Variants in PPARGC1A observed in about 807,000 individuals in gnomAD.
PPARGC1A encodes the protein peroxisome proliferator-activated receptor gamma coactivator 1-alpha.
A neutral mutation model predicts 88.7 loss-of-function variants in PPARGC1A; 25 were observed. The observed-to-expected ratio is 0.28, with a 90% CI of 0.21 to 0.39. PPARGC1A has a LOEUF of 0.39. Ranked by LOEUF, PPARGC1A falls within the 10% of genes least tolerant of loss-of-function variation. PPARGC1A has a pLI of 1.00. For synonymous variants in PPARGC1A, 363 were observed against 355.6 expected, an observed-to-expected ratio of 1.02 and a Z score of -0.24; for missense variants, 880 against 968.7, an observed-to-expected ratio of 0.91 and a Z score of 1.22.
the PPARGC1A span, among the ~76,000 whole-genome samples, chr4:24,161,961 TAC>T: frequency 0.077 from 10,266 of 133,584 alleles, 384 homozygotes; most frequent in Non-Finnish European, 0.092. Flanking sequence ...AATTGTGATA[TAC>T]ACACACACAC....
At chr4:24,178,869 T>C in the PPARGC1A span, among the ~76,000 whole-genome samples, 1 of 152,208 alleles carries the variant, frequency 6.6e-6, no homozygotes, top group Non-Finnish European at 1.5e-5. Flanking sequence ...AGCAAAGCAG[T>C]TGTAGATTTT....
chr4:24,269,353 T>C, the PPARGC1A span, among the ~76,000 whole-genome samples: 1 of 128,380 alleles, frequency 7.8e-6, no homozygotes, highest in Middle Eastern at 4.1e-3. Flanking sequence ...GGAATCAGAG[T>C]CATTTATCTC....
chr4:23,836,698 C>T (rs1406012451), intron 2 of PPARGC1A, among the ~76,000 whole-genome samples: 1 of 152,158 alleles, frequency 6.6e-6, no homozygotes, highest in Non-Finnish European at 1.5e-5. Flanking sequence ...AAGATAGGTT[C>T]TGGCCCTTCA....
the PPARGC1A span, among the ~76,000 whole-genome samples, chr4:24,233,491 G>C: frequency 0.062 from 9,394 of 151,900 alleles, 351 homozygotes; most frequent in South Asian, 0.12. Context: ...GAAAAAGCTT[G>C]AATAGAGAAC....
the PPARGC1A span, among the ~76,000 whole-genome samples, chr4:24,020,229 T>C: frequency 6.6e-6 from 1 of 152,204 alleles, no homozygotes; most frequent in Admixed American, 6.5e-5. Context: ...ATCATGGTTT[T>C]CCATTAGCAG....
intron 2 of PPARGC1A, among the ~76,000 whole-genome samples, chr4:23,859,649 C>T (rs965623210): frequency 3.3e-5 from 5 of 151,638 alleles, no homozygotes; most frequent in Admixed American, 6.6e-5. Flanking sequence ...AGCGTGGTGG[C>T]GGGCGCCTGT....
chr4:23,954,233 A>G, the PPARGC1A span, among the ~76,000 whole-genome samples: 1 of 152,076 alleles, frequency 6.6e-6, no homozygotes, highest in Non-Finnish European at 1.5e-5. Context: ...GAAAATAAGC[A>G]TGCTAAGTTT....
the PPARGC1A span, among the ~76,000 whole-genome samples, chr4:23,998,625 C>T: frequency 1.3e-5 from 2 of 152,108 alleles, no homozygotes; most frequent in Non-Finnish European, 2.9e-5. Context: ...TTACTGACAA[C>T]AATTTTGGAA....
chr4:24,096,797 A>G, the PPARGC1A span, among the ~76,000 whole-genome samples: 1 of 152,220 alleles, frequency 6.6e-6, no homozygotes, highest in Non-Finnish European at 1.5e-5. Flanking sequence ...TATTAAGAAT[A>G]TGCTGACTAA....
At chr4:23,872,956 C>T (rs895087899) in intron 2 of PPARGC1A, among the ~76,000 whole-genome samples, 5 of 151,862 alleles carry the variant, frequency 3.3e-5, no homozygotes, top group South Asian at 2.1e-4. Context: ...TTCGGGAGGC[C>T]GAGGTGGGCG....
the PPARGC1A span, among the ~76,000 whole-genome samples, chr4:24,349,396 G>A: frequency 6.6e-6 from 1 of 152,188 alleles, no homozygotes; most frequent in South Asian, 2.1e-4. Context: ...TCTGCTACCA[G>A]GGTGGATAGG....
At chr4:24,466,771 A>G in the PPARGC1A span, among the ~76,000 whole-genome samples, 1 of 150,816 alleles carries the variant, frequency 6.6e-6, no homozygotes, top group African/African-American at 2.4e-5. Context: ...AAAATTAGCC[A>G]GGCGTTGTGG....
chr4:24,197,771 C>A, the PPARGC1A span, among the ~76,000 whole-genome samples: 9 of 152,330 alleles, frequency 5.9e-5, no homozygotes, highest in African/African-American at 1.9e-4. Context: ...ACAAGGAATG[C>A]AGAAGTCATC....
At chr4:23,801,902 T>C in intron 11 of PPARGC1A, 21 bp from the exon 12 acceptor site, 3 of 1,613,412 alleles carry the variant, frequency 1.9e-6, no homozygotes, top group Non-Finnish European at 2.5e-6. Context: ...CAAAGAAAAG[T>C]TCAAAGCTGG....
the PPARGC1A span, among the ~76,000 whole-genome samples, chr4:24,233,909 A>G: frequency 1.3e-5 from 2 of 152,238 alleles, no homozygotes; most frequent in Non-Finnish European, 2.9e-5. Flanking sequence ...CTGACCTGTG[A>G]CAGAGATGAG....
chr4:24,281,756 C>A, the PPARGC1A span, among the ~76,000 whole-genome samples: 355 of 152,258 alleles, frequency 2.3e-3, 10 homozygotes, highest in East Asian at 0.046. Flanking sequence ...TCTTCCCCCC[C>A]ACCCCCAATC....
chr4:23,869,226 A>G (rs1712732707), intron 2 of PPARGC1A, among the ~76,000 whole-genome samples: 1 of 152,196 alleles, frequency 6.6e-6, no homozygotes, highest in African/African-American at 2.4e-5. Context: ...AGAGAAAGGA[A>G]AAAATTGAAC....
the PPARGC1A span, among the ~76,000 whole-genome samples, chr4:23,986,133 TC>T: frequency 6.6e-6 from 1 of 152,036 alleles, no homozygotes; most frequent in Non-Finnish European, 1.5e-5. Flanking sequence ...AAAGACTCCC[TC>T]AGTGCCAACG....
the PPARGC1A span, chr4:24,091,675 G>A: frequency 3.4e-5 from 33 of 980,364 alleles, no homozygotes; most frequent in South Asian, 4.7e-5. Flanking sequence ...ATGAGGGATC[G>A]GGCAGGAAGA....
Sources: allele counts gnomAD v4.1 joint callset (sites outside exome capture counted in the v4.1 genomes callset), GRCh38; gene constraint gnomAD v4.1.1; transcripts MANE v1.5; gene names NCBI Gene and HGNC (gene_info 2026-07-23, HGNC 2026-07-21).